AXL: variants seen among roughly 807,000 people sequenced by gnomAD.
The protein encoded by AXL is tyrosine-protein kinase receptor UFO.
In AXL, 52 loss-of-function variants were observed where a neutral mutation model predicts 104.5. The ratio of observed to expected loss-of-function variants is 0.50; its 90% CI spans 0.40 to 0.63. The LOEUF (loss-of-function observed/expected upper bound fraction) is 0.63. Ranked by LOEUF, AXL falls within the 20% of genes least tolerant of loss-of-function variation. The probability of loss-of-function intolerance (pLI) is 0.00; values close to 1 mark genes in which losing one functional copy is unlikely to be tolerated. For synonymous variants in AXL, 455 were observed against 473.7 expected, an observed-to-expected ratio of 0.96 and a Z score of 0.51; for missense variants, 1,024 against 1,188.5, an observed-to-expected ratio of 0.86 and a Z score of 2.04.
At chr19:41,233,263 T>C (rs2034023444) in intron 6 of AXL, among the ~76,000 whole-genome samples, 1 of 152,038 alleles carries the variant, frequency 6.6e-6, no homozygotes, top group Non-Finnish European at 1.5e-5. Flanking sequence ...GTGCTGGGAT[T>C]ACAGGCGTGA....
intron 1 of AXL, 47 bp downstream of exon 1, chr19:41,219,524 G>A: frequency 6.4e-7 from 1 of 1,562,926 alleles, no homozygotes; most frequent in South Asian, 1.2e-5. Flanking sequence ...CGGAGGGGCT[G>A]GGGCAGGGGT....
intron 6 of AXL, among the ~76,000 whole-genome samples, chr19:41,233,669 C>T (rs77287588): frequency 0.15 from 21,374 of 146,580 alleles, 2,143 homozygotes; most frequent in Non-Finnish European, 0.22. Flanking sequence ...TTAATCTTCC[C>T]GTTTTCAAGG....
At chr19:41,227,504 T>A (rs926822231) in intron 4 of AXL, among the ~76,000 whole-genome samples, 4 of 147,300 alleles carry the variant, frequency 2.7e-5, no homozygotes, top group Non-Finnish European at 6.0e-5. Flanking sequence ...TTTTTTTTTT[T>A]AGACAGAGTC....
At chr19:41,230,851 T>C (rs1423191041) in intron 4 of AXL, 116 bp from the exon 5 acceptor site, 15 of 1,037,370 alleles carry the variant, frequency 1.4e-5, no homozygotes, top group Non-Finnish European at 2.1e-5. Context: ...GGCAAGTGCC[T>C]GTGTGGGCTG....
chr19:41,243,931 T>C lies in AXL; in HGVS notation c.1537+224T>C, dbSNP rs867194914. 2.0e-4 allele frequency: 95 copies of C among 482,016 alleles called. 2 individuals are homozygous for C. The Middle Eastern group carries it at 2.7e-3, about 14-fold the overall frequency. 29.9% of individuals were successfully genotyped at this position (482,016 alleles called of 1,614,324 possible). On this transcript the variant is annotated intron_variant, in intron 12 of 19. Transcript: ENST00000301178. ...AAATCTTAGAAACACCAAGGCTGGG[T>C]GTGGTGGCTCATGCCTGTAATCCTA...
intron 15 of AXL, 125 bp downstream of exon 15, chr19:41,252,568 C>A: frequency 2.6e-6 from 3 of 1,153,822 alleles, no homozygotes; most frequent in South Asian, 1.4e-5. Context: ...CCTTCAGGGT[C>A]AGCAGGCTTC....
At chr19:41,236,832 A>G (rs936407038) in intron 6 of AXL, among the ~76,000 whole-genome samples, 1 of 152,070 alleles carries the variant, frequency 6.6e-6, no homozygotes, top group Non-Finnish European at 1.5e-5. Flanking sequence ...AACATGCATA[A>G]TCTTCAGTGT....
chr19:41,233,727 C>T (rs1409294730), intron 6 of AXL, among the ~76,000 whole-genome samples: 1 of 148,968 alleles, frequency 6.7e-6, no homozygotes, highest in Admixed American at 6.7e-5. Flanking sequence ...GCCTCAGTTC[C>T]TCCCATCCTC....
chr19:41,237,581 T>C (rs762264424), intron 6 of AXL, among the ~76,000 whole-genome samples: 5 of 152,152 alleles, frequency 3.3e-5, no homozygotes, highest in Non-Finnish European at 7.3e-5. Flanking sequence ...TTATTATCGG[T>C]GCTGACCACC....
At chr19:41,227,109 C>T (rs1046557424) in intron 4 of AXL, among the ~76,000 whole-genome samples, 5 of 151,878 alleles carry the variant, frequency 3.3e-5, no homozygotes, top group Non-Finnish European at 7.4e-5. Context: ...AAAAACAAAA[C>T]GAAAAACTTG....
intron 19 of AXL, 116 bp downstream of exon 19, chr19:41,257,745 T>G: frequency 7.3e-7 from 1 of 1,368,176 alleles, no homozygotes; most frequent in Non-Finnish European, 1.0e-6. Context: ...CTGAGAATGC[T>G]GAGTGACCCA....
intron 4 of AXL, among the ~76,000 whole-genome samples, chr19:41,229,807 C>T (rs761245329): frequency 3.9e-5 from 6 of 152,020 alleles, no homozygotes; most frequent in Non-Finnish European, 7.4e-5. Context: ...TGGTAGGAGG[C>T]GAGCTTAGAG....
chr19:41,253,218 C>T lies in AXL; in HGVS notation c.1926+251C>T, dbSNP rs567576750. On this transcript the variant is annotated intron_variant, in intron 16 of 19. Coordinates refer to ENST00000301178, the MANE Select transcript of AXL (RefSeq NM_021913.5). Reference sequence around the variant, plus strand: ...AGGCCAGGCAGTGAATTTGGGTGGACGTGGAAGATCTTGCCGAGGAGGTGA... The same window carrying T: ...AGGCCAGGCAGTGAATTTGGGTGGATGTGGAAGATCTTGCCGAGGAGGTGA... Among the ~76,000 whole-genome samples the T allele has an allele frequency of 4.7e-4, 71 of 152,156 alleles. No homozygotes were observed. The South Asian group carries it at 0.012, about 25-fold the overall frequency.
chr19:41,246,403 T>C (rs2034270471), intron 12 of AXL, among the ~76,000 whole-genome samples: 1 of 150,806 alleles, frequency 6.6e-6, no homozygotes. Context: ...GCTGAGGTTG[T>C]ACCACTGGAC....
At chr19:41,233,506 C>T (rs574224187) in intron 6 of AXL, among the ~76,000 whole-genome samples, 4 of 151,582 alleles carry the variant, frequency 2.6e-5, no homozygotes, top group Non-Finnish European at 5.9e-5. Flanking sequence ...TGGCACACAC[C>T]TGTAGTCCCA....
intron 1 of AXL, chr19:41,220,400 A>C: frequency 2.0e-6 from 1 of 503,054 alleles, no homozygotes; most frequent in Non-Finnish European, 3.6e-6. Context: ...GGAGGCTGCC[A>C]GATCCCGAGC....
In AXL at chr19:41,252,893, G is replaced by T. The variant is rs1261181957; in HGVS notation, c.1852G>T (p.Val618Phe). The change falls in exon 16 of 20, where the codon GTC becomes TTC. Residue 618 changes from valine (V) to phenylalanine (F), a missense_variant. Physicochemically the swap from Val to Phe is conservative, Grantham distance 50. This residue lies in a region of AXL where 523 missense variants were observed against 636.0 expected (regional missense o/e 0.82). Transcript: ENST00000301178. ...ACGAGAGAGCTTCCCAGCACCTGTG[G>T]TCATCTTACCTTTCATGAAACATGG... is the stretch of plus-strand genomic sequence containing the variant. ...SERESFPAPVVILPFMKHGDL... is the reference protein window; with the variant it reads ...SERESFPAPVFILPFMKHGDL... 2 of 1,613,900 alleles carry T rather than the reference G, an allele frequency of 1.2e-6. No homozygotes were observed. Among genetic ancestry groups the T allele is most frequent in the Non-Finnish European group, 8.5e-7 (1 of 1,179,974 alleles).
rs760246352 is a variant in AXL, at chr19:41,238,015, G to A, written c.855G>A (p.Ser285=). 1.2e-5 allele frequency: 20 copies of A among 1,613,410 alleles called. No homozygotes were observed. The highest frequency in any genetic ancestry group is 1.7e-5 in the Admixed American group (1 of 59,914). Residue 285 remains serine (S), a synonymous_variant, in exon 7 of 20, where the codon TCG becomes TCA. Coordinates refer to ENST00000301178, the MANE Select transcript of AXL (RefSeq NM_021913.5). ...EPDPPEEPLT[S]QASVPPHQLR... ...ACCCCCCAGAGGAGCCCCTCACCTC[G>A]CAAGCATCCGTGCCCCCCCATCAGC...
chr19:41,236,097 G>A (rs542225191), intron 6 of AXL, among the ~76,000 whole-genome samples: 9 of 151,918 alleles, frequency 5.9e-5, no homozygotes, highest in Admixed American at 2.0e-4. Flanking sequence ...TTGGGAGGCC[G>A]AGGGGGGCGG....
Sources: gnomAD v4.1 joint callset for allele counts (sites outside exome capture counted in the v4.1 genomes callset) on GRCh38, gnomAD v4.1.1 for gene constraint, gnomAD v4.1.1 regional missense constraint, MANE v1.5 for transcripts, NCBI Gene and HGNC (gene_info 2026-07-23, HGNC 2026-07-21) for gene names.